Variants in ARHGEF3 observed in about 807,000 individuals in gnomAD.
ARHGEF3 encodes Rho guanine nucleotide exchange factor 3, also known as 59.8 kDA protein.
In ARHGEF3, 28 loss-of-function variants were observed where a neutral mutation model predicts 63.2. The ratio of observed to expected loss-of-function variants is 0.44; its 90% CI spans 0.33 to 0.61. ARHGEF3 has a LOEUF of 0.61. ARHGEF3 is among the 20% of genes least tolerant of loss of function. The pLI is 0.03. For synonymous variants in ARHGEF3, 266 were observed against 254.2 expected (o/e 1.05, Z -0.44); for missense variants, 533 against 659.3 (o/e 0.81, Z 2.10).
At chr3:56,818,325 G>A (rs2038343968) in intron 4 of ARHGEF3, among the ~76,000 whole-genome samples, 1 of 152,184 alleles carries the variant, frequency 6.6e-6, no homozygotes, top group African/African-American at 2.4e-5. Flanking sequence ...TGTGGGAGGT[G>A]GCAGGGTGGC....
chr3:56,756,784 C>T (rs2035096421), intron 2 of ARHGEF3, among the ~76,000 whole-genome samples: 1 of 152,106 alleles, frequency 6.6e-6, no homozygotes, highest in Non-Finnish European at 1.5e-5. Context: ...TTCCTGACCT[C>T]GTGATCCGCC....
intron 4 of ARHGEF3, among the ~76,000 whole-genome samples, chr3:56,873,970 G>C (rs17235778): frequency 0.097 from 14,761 of 152,210 alleles, 881 homozygotes; most frequent in Non-Finnish European, 0.13. Context: ...ATTCATATCC[G>C]AGAGTGTGTC....
intron 8 of ARHGEF3, among the ~76,000 whole-genome samples, chr3:56,734,863 G>A (rs992805800): frequency 6.6e-6 from 1 of 152,102 alleles, no homozygotes; most frequent in Non-Finnish European, 1.5e-5. Context: ...TGGAAATAAC[G>A]TGTTAAGAAT....
At chr3:56,751,540 CAG>C (rs2034744331) in intron 4 of ARHGEF3, 144 bp from the exon 5 acceptor site, 1 of 675,834 alleles carries the variant, frequency 1.5e-6, no homozygotes, top group African/African-American at 1.8e-5. Flanking sequence ...GCAGAAACAG[CAG>C]AGAGGTGTGG....
At chr3:56,753,473 T>G in intron 4 of ARHGEF3, 31 bp downstream of exon 4, 3 of 1,601,932 alleles carry the variant, frequency 1.9e-6, no homozygotes, top group Non-Finnish European at 2.6e-6. Context: ...AAATGTGACT[T>G]GACTCAAGTG....
intron 1 of ARHGEF3, among the ~76,000 whole-genome samples, chr3:57,067,597 G>T (rs545904285): frequency 6.4e-4 from 97 of 151,396 alleles, no homozygotes; most frequent in African/African-American, 2.3e-3. Context: ...CACACTGGGA[G>T]GCTGAGGCCA....
At chr3:57,014,364 G>C (rs1304563224) in intron 2 of ARHGEF3, among the ~76,000 whole-genome samples, 2 of 152,104 alleles carry the variant, frequency 1.3e-5, no homozygotes, top group African/African-American at 4.8e-5. Context: ...AACCACTACA[G>C]CACCTTCCTT....
chr3:56,786,751 A>G (rs529014121), intron 1 of ARHGEF3, among the ~76,000 whole-genome samples: 1 of 152,184 alleles, frequency 6.6e-6, no homozygotes, highest in Non-Finnish European at 1.5e-5. Context: ...ACAACAAAGA[A>G]GGCAAGGAGC....
chr3:56,975,805 A>C, intron 2 of ARHGEF3: 1 of 432,076 alleles, frequency 2.3e-6, no homozygotes, highest in South Asian at 1.7e-5. Flanking sequence ...TTCTCTTTAC[A>C]TGAAGTATAA....
At chr3:56,944,113 C>A (rs1194761121) in intron 3 of ARHGEF3, among the ~76,000 whole-genome samples, 1 of 152,092 alleles carries the variant, frequency 6.6e-6, no homozygotes, top group East Asian at 1.9e-4. Context: ...GTGGAGGTTG[C>A]AGGGAGCCGA....
intron 8 of ARHGEF3, among the ~76,000 whole-genome samples, 161 bp downstream of exon 8, chr3:56,737,024 G>A (rs1304535287): frequency 6.6e-6 from 1 of 152,162 alleles, no homozygotes; most frequent in East Asian, 1.9e-4. Context: ...GAACCGGGAA[G>A]GCAGAGGTTG....
chr3:57,069,970 T>C (rs989491559), intron 1 of ARHGEF3, among the ~76,000 whole-genome samples: 1 of 152,246 alleles, frequency 6.6e-6, no homozygotes, highest in African/African-American at 2.4e-5. Context: ...ATATGTGATA[T>C]TACTCCCTTT....
chr3:56,970,214 T>C (rs151279817), intron 2 of ARHGEF3, among the ~76,000 whole-genome samples: 124 of 152,290 alleles, frequency 8.1e-4, no homozygotes, highest in African/African-American at 2.9e-3. Flanking sequence ...GTTTAAATGG[T>C]TGCAATGGTA....
intron 3 of ARHGEF3, among the ~76,000 whole-genome samples, chr3:56,925,268 G>A (rs1442082233): frequency 6.6e-6 from 1 of 152,248 alleles, no homozygotes; most frequent in African/African-American, 2.4e-5. Context: ...TAGCAATAGT[G>A]TCTTTACAAT....
At chr3:56,864,192 T>C (rs1462897131) in intron 4 of ARHGEF3, among the ~76,000 whole-genome samples, 2 of 152,196 alleles carry the variant, frequency 1.3e-5, no homozygotes, top group Non-Finnish European at 1.5e-5. Context: ...CTCCATACTG[T>C]TCTTAGTATA....
At position 56,824,841 on chromosome 3, in the gene ARHGEF3, C is replaced by A. The variant is rs1184323744; in HGVS notation, c.193-51025G>T. 2.6e-5 allele frequency among the ~76,000 whole-genome samples: 4 copies of A among 152,204 alleles called. No individual in the cohort carries two copies. In the East Asian group the frequency reaches 7.7e-4, roughly 29 times the overall value. ...ATCTAGGAGTTCATTTATAGCCCAT[C>A]ATTAAGAGCTAATGATATAACAGGA... On this transcript the variant is annotated intron_variant, in intron 4 of 12. Transcript: ENST00000338458.
At chr3:56,857,450 G>C (rs531924189) in intron 4 of ARHGEF3, among the ~76,000 whole-genome samples, 17 of 152,154 alleles carry the variant, frequency 1.1e-4, no homozygotes, top group Non-Finnish European at 2.5e-4. Flanking sequence ...CAACCCAGTG[G>C]CTACTGGCAG....
At position 57,063,548 on chromosome 3, in the gene ARHGEF3, C is replaced by CA. The variant is rs1705356124; in HGVS notation, c.-28+15677dup. Among the ~76,000 whole-genome samples, 7 of 152,270 alleles carry CA rather than the reference C, an allele frequency of 4.6e-5. 1 individual carries two copies. The South Asian group carries it at 1.5e-3, about 32-fold the overall frequency. ...TTGACAAGTGAAGAGAAGAGAGATA[C>CA]AAAAGTCAAAGATGACGCCCCAGGC... On this transcript the variant is annotated intron_variant, in intron 1 of 12. Coordinates refer to the ARHGEF3 transcript ENST00000338458.
chr3:56,814,102 C>T (rs2038173277), intron 4 of ARHGEF3, among the ~76,000 whole-genome samples: 1 of 152,168 alleles, frequency 6.6e-6, no homozygotes, highest in Non-Finnish European at 1.5e-5. Flanking sequence ...ATATTTCCCT[C>T]CCACTCTGCC....
Sources: allele counts gnomAD v4.1 joint callset (sites outside exome capture counted in the v4.1 genomes callset), GRCh38; gene constraint gnomAD v4.1.1; transcripts MANE v1.5; gene names NCBI Gene and HGNC (gene_info 2026-07-23, HGNC 2026-07-21).